Variants in ANKRD44 observed in about 807,000 individuals in gnomAD.
ANKRD44 encodes ankyrin repeat domain 44.
Under a neutral mutation model 116.0 loss-of-function variants are expected in ANKRD44, and 35 were observed. The ratio of observed to expected loss-of-function variants is 0.30; its 90% CI spans 0.23 to 0.40. The LOEUF (loss-of-function observed/expected upper bound fraction) is 0.40. ANKRD44 is among the 10% of genes least tolerant of loss of function. The pLI, the probability that ANKRD44 is intolerant of heterozygous loss-of-function variation, is 1.00. For synonymous variants in ANKRD44, 435 were observed against 461.8 expected (o/e 0.94, Z 0.74); for missense variants, 1,014 against 1,242.6 (o/e 0.82, Z 2.77).
At chr2:197,238,763 G>A (rs1424492088) in intron 1 of ANKRD44, among the ~76,000 whole-genome samples, 3 of 151,750 alleles carry the variant, frequency 2.0e-5, no homozygotes, top group Non-Finnish European at 4.4e-5. Context: ...GAAGTGCAGT[G>A]GTACGATCTC....
intron 18 of ANKRD44, 78 bp from the exon 19 acceptor site, chr2:197,009,109 T>C: frequency 1.6e-6 from 2 of 1,252,504 alleles, no homozygotes; most frequent in South Asian, 1.2e-5. Flanking sequence ...TTTCTTTTTT[T>C]TGAGATGGAG....
At chr2:196,983,132 A>T (rs560065985), downstream of ANKRD44, among the ~76,000 whole-genome samples, 2 of 152,142 alleles carry the variant, frequency 1.3e-5, no homozygotes, top group Non-Finnish European at 2.9e-5. Flanking sequence ...ACCATGGCAC[A>T]TGTATACCTA....
intron 1 of ANKRD44, among the ~76,000 whole-genome samples, chr2:197,286,360 C>T (rs923531448): frequency 6.8e-6 from 1 of 147,096 alleles, no homozygotes; most frequent in Non-Finnish European, 1.5e-5. Context: ...TTTTTACCTA[C>T]TTCTTCTACT....
At chr2:197,070,785 T>C (rs762012630) in intron 16 of ANKRD44, among the ~76,000 whole-genome samples, 28 of 152,314 alleles carry the variant, frequency 1.8e-4, no homozygotes, top group East Asian at 3.9e-4. Flanking sequence ...TCTTGTATTC[T>C]ATTTTCCAGA....
chr2:197,266,400 A>G lies in ANKRD44; in HGVS notation c.27+44178T>C, dbSNP rs532798277. ...AATTACATCCTTAAGAGAGCCAGTT[A>G]AGCCACTAATATACAAACAGATCTC... On this transcript the variant is annotated intron_variant, in intron 1 of 27. Transcript: ENST00000282272. Among the ~76,000 whole-genome samples the G allele has an allele frequency of 7.9e-5, 12 of 152,300 alleles. No homozygotes were observed. In the South Asian group the frequency reaches 2.1e-3, roughly 26 times the overall value.
At chr2:197,262,042 A>G (rs867432906) in intron 1 of ANKRD44, among the ~76,000 whole-genome samples, 2 of 152,218 alleles carry the variant, frequency 1.3e-5, no homozygotes, top group South Asian at 2.1e-4. Context: ...AGGCTTTACA[A>G]TAAGAGTCTA....
intron 1 of ANKRD44, among the ~76,000 whole-genome samples, chr2:197,288,056 A>C (rs796981161): frequency 6.6e-6 from 1 of 151,926 alleles, no homozygotes; most frequent in African/African-American, 2.4e-5. Context: ...AGAAAAGAAA[A>C]AAAGATATCT....
intron 16 of ANKRD44, among the ~76,000 whole-genome samples, chr2:197,057,802 G>A (rs1288504843): frequency 1.7e-4 from 26 of 152,178 alleles, no homozygotes; most frequent in Non-Finnish European, 4.4e-5. Flanking sequence ...AGGCTGCAGT[G>A]AGCTATGATT....
chr2:197,123,810 G>C (rs1266079131), intron 6 of ANKRD44, among the ~76,000 whole-genome samples: 1 of 152,030 alleles, frequency 6.6e-6, no homozygotes, highest in African/African-American at 2.4e-5. Flanking sequence ...GTATTGGCTT[G>C]TTTTATTAAA....
In ANKRD44 at chr2:197,088,815, G is replaced by A. The variant is rs1253751891; in HGVS notation, c.1184-41C>T. On this transcript the variant is annotated intron_variant, in intron 11 of 27. Transcript: ENST00000282272. ...GCTCATTACTAAACAAGGATACTAT[G>A]CTATACTTTTGTCCTAGTTAAACCA... The A allele has an allele frequency of 1.9e-6, 3 of 1,601,650 alleles. No homozygotes were observed. The African/African-American group carries it at 4.0e-5, about 21-fold the overall frequency.
chr2:197,273,976 AAAAAATATAT>A (rs2082982434), intron 1 of ANKRD44, among the ~76,000 whole-genome samples: 1 of 53,464 alleles, frequency 1.9e-5, no homozygotes, highest in Non-Finnish European at 3.6e-5. Context: ...AAAAAAAAAA[AAAAAATATAT>A]ATATATATAT....
chr2:196,993,819 T>C, intron 26 of ANKRD44, 145 bp from the exon 27 acceptor site: 1 of 642,448 alleles, frequency 1.6e-6, no homozygotes, highest in East Asian at 2.9e-5. Flanking sequence ...AAAAAAATGC[T>C]GACCAGATCT....
chr2:197,006,137 C>T (rs1484816025), intron 20 of ANKRD44, among the ~76,000 whole-genome samples: 1 of 152,178 alleles, frequency 6.6e-6, no homozygotes, highest in African/African-American at 2.4e-5. Flanking sequence ...CCTCTCCTGA[C>T]AACTGTGAAA....
chr2:197,206,280 C>G (rs1436282244), intron 1 of ANKRD44, among the ~76,000 whole-genome samples: 3 of 152,182 alleles, frequency 2.0e-5, no homozygotes, highest in Non-Finnish European at 4.4e-5. Flanking sequence ...GCCATTCTGC[C>G]TAGGCTGGAC....
At chr2:197,031,515 G>A (rs2076707271) in intron 16 of ANKRD44, among the ~76,000 whole-genome samples, 2 of 152,074 alleles carry the variant, frequency 1.3e-5, no homozygotes. Context: ...GCTATGTATT[G>A]TTTTGTAATC....
intron 2 of ANKRD44, among the ~76,000 whole-genome samples, chr2:197,154,483 T>A (rs2079756203): frequency 6.7e-6 from 1 of 149,836 alleles, no homozygotes; most frequent in South Asian, 2.1e-4. Flanking sequence ...CCGGCCACTA[T>A]CGGCTTTCTT....
chr2:197,069,781 G>A lies in ANKRD44; in HGVS notation c.1650+8922C>T, dbSNP rs564350428. On this transcript the variant is annotated intron_variant, in intron 16 of 27. Transcript: ENST00000282272. ...TAAATTTTAGAAAAATCTTTCATTC[G>A]TCTATGAAAACCTTGCTAGAATTTT... Among the ~76,000 whole-genome samples, 15 of 151,756 alleles carry A rather than the reference G, an allele frequency of 9.9e-5. No individual in the cohort carries two copies. The South Asian group carries it at 1.0e-3, about 11-fold the overall frequency.
At chr2:197,160,524 C>T (rs1371150270) in intron 2 of ANKRD44, among the ~76,000 whole-genome samples, 4 of 152,160 alleles carry the variant, frequency 2.6e-5, no homozygotes, top group Non-Finnish European at 4.4e-5. Flanking sequence ...TGTATCCTGG[C>T]CATTGTAGCC....
intron 23 of ANKRD44, among the ~76,000 whole-genome samples, chr2:196,999,782 A>G (rs13382904): frequency 1.0e-3 from 155 of 152,034 alleles, no homozygotes; most frequent in African/African-American, 3.7e-3. Context: ...TTTAGTAGAG[A>G]TGGGGTTTCA....
Sources: allele counts gnomAD v4.1 joint callset (sites outside exome capture counted in the v4.1 genomes callset), GRCh38; gene constraint gnomAD v4.1.1; transcripts MANE v1.5; gene names NCBI Gene and HGNC (gene_info 2026-07-23, HGNC 2026-07-21).